Variants in CKMT2 observed in about 807,000 individuals in gnomAD.
CKMT2 encodes creatine kinase S-type, mitochondrial.
CKMT2 carries 43 observed loss-of-function variants against 48.9 expected under a neutral mutation model. That is an observed-to-expected ratio of 0.88 (90% CI 0.69 to 1.13). The LOEUF is 1.13. Among genes scored for constraint, CKMT2 ranks in the 50% most tolerant of loss-of-function variants. The pLI, the probability that CKMT2 is intolerant of heterozygous loss-of-function variation, is 0.00. For synonymous variants in CKMT2, 206 were observed against 213.0 expected (o/e 0.97, Z 0.29); for missense variants, 472 against 555.4 (o/e 0.85, Z 1.51).
chr5:81,249,908 C>A (rs545797270), intron 1 of CKMT2, among the ~76,000 whole-genome samples: 1 of 152,146 alleles, frequency 6.6e-6, no homozygotes, highest in Non-Finnish European at 1.5e-5. Flanking sequence ...CTGCTCTTCA[C>A]GTCTTTGTCA....
intron 1 of CKMT2, chr5:81,242,432 T>G (rs1580434799): frequency 1.9e-6 from 1 of 513,762 alleles, no homozygotes; most frequent in East Asian, 5.0e-5. Flanking sequence ...CTTTACAGGG[T>G]TTCCCCTCTC....
chr5:81,239,189 C>T (rs1003253374), intron 1 of CKMT2: 2 of 152,240 alleles, frequency 1.3e-5, no homozygotes, highest in Non-Finnish European at 2.9e-5. Context: ...CCGTGGGTTT[C>T]CTTGAGGCCC....
intron 8 of CKMT2, among the ~76,000 whole-genome samples, chr5:81,261,895 G>A (rs1489687284): frequency 6.6e-6 from 1 of 152,124 alleles, no homozygotes; most frequent in African/African-American, 2.4e-5. Flanking sequence ...TCAATCCTAA[G>A]CAAAAAGAAC....
chr5:81,264,362 A>T (rs1174003454), intron 9 of CKMT2, among the ~76,000 whole-genome samples: 1 of 152,238 alleles, frequency 6.6e-6, no homozygotes, highest in Non-Finnish European at 1.5e-5. Flanking sequence ...GCCTCTTCTC[A>T]TAACAAAACC....
At chr5:81,247,467 T>TGCTTATGTAACATTTGGG (rs1370848511) in intron 1 of CKMT2, among the ~76,000 whole-genome samples, 1 of 152,208 alleles carries the variant, frequency 6.6e-6, no homozygotes, top group East Asian at 1.9e-4. Context: ...CTGCAGAGAA[T>TGCTTATGTAACATTTGGG]GCTTATGTAA....
intron 9 of CKMT2, 87 bp downstream of exon 9, chr5:81,263,703 C>A: frequency 7.5e-7 from 1 of 1,330,380 alleles, no homozygotes; most frequent in Admixed American, 2.2e-5. Flanking sequence ...GCCGTTTTCA[C>A]AAAATTCGAG....
rs367764320 is a variant in CKMT2, at chr5:81,248,935, GT to G, written c.-20-2174del. On this transcript the variant is annotated intron_variant, in intron 1 of 9. Transcript: ENST00000254035. Reference sequence around the variant, plus strand: ...GTTTATTCTTCACTGGATGGCCCAGGTTTTCAGCTACAGCCTTACACATCAG... The same window carrying G: ...GTTTATTCTTCACTGGATGGCCCAGGTTTCAGCTACAGCCTTACACATCAG... Among the ~76,000 whole-genome samples, 29 of 152,250 alleles carry G rather than the reference GT, an allele frequency of 1.9e-4. No individual in the cohort carries two copies. In the East Asian group the frequency reaches 5.4e-3, roughly 28 times the overall value.
chr5:81,259,858 G>A (rs1757150552), intron 8 of CKMT2, among the ~76,000 whole-genome samples: 1 of 152,132 alleles, frequency 6.6e-6, no homozygotes, highest in Non-Finnish European at 1.5e-5. Flanking sequence ...ACTCGGCTCT[G>A]GACCAAGTGG....
intron 1 of CKMT2, among the ~76,000 whole-genome samples, chr5:81,250,498 G>T (rs1298710505): frequency 6.6e-6 from 1 of 152,038 alleles, no homozygotes; most frequent in Non-Finnish European, 1.5e-5. Context: ...GGAATCCAGG[G>T]CCTAAACTGA....
intron 1 of CKMT2, chr5:81,244,847 A>ATT (rs71000809): frequency 0.021 from 2,413 of 113,524 alleles, 109 homozygotes; most frequent in East Asian, 0.18. Context: ...CCCCCTCACT[A>ATT]TTTTTTTTTT....
intron 1 of CKMT2, among the ~76,000 whole-genome samples, chr5:81,236,734 T>G (rs1756255158): frequency 6.6e-6 from 1 of 152,178 alleles, no homozygotes; most frequent in African/African-American, 2.4e-5. Context: ...GAAGAAGAAC[T>G]GGGGAGCCCA....
chr5:81,261,062 G>A (rs1046242981), intron 8 of CKMT2, among the ~76,000 whole-genome samples: 3 of 152,200 alleles, frequency 2.0e-5, no homozygotes, highest in African/African-American at 4.8e-5. Context: ...CTGGTTCAAC[G>A]TACACAAATC....
chr5:81,253,271 C>T (rs1049019975), intron 3 of CKMT2, among the ~76,000 whole-genome samples: 2 of 151,988 alleles, frequency 1.3e-5, no homozygotes, highest in South Asian at 2.1e-4. Context: ...GGGTGGGGGT[C>T]GGGAGGAGGG....
At chr5:81,265,456 C>A (rs556380841) in intron 9 of CKMT2, among the ~76,000 whole-genome samples, 1 of 152,222 alleles carries the variant, frequency 6.6e-6, no homozygotes, top group East Asian at 1.9e-4. Flanking sequence ...TAACTAATTT[C>A]TCTCTTAATT....
intron 1 of CKMT2, among the ~76,000 whole-genome samples, chr5:81,248,921 A>C (rs1326916465): frequency 1.3e-5 from 2 of 152,282 alleles, no homozygotes; most frequent in Non-Finnish European, 2.9e-5. Context: ...TTTATTCTTC[A>C]CTGGATGGCC....
At position 81,264,784 on chromosome 5, in the gene CKMT2, T is replaced by C. The variant is rs188387502; in HGVS notation, c.1140+1168T>C. On this transcript the variant is annotated intron_variant, in intron 9 of 9. Coordinates refer to ENST00000254035, the MANE Select transcript of CKMT2 (RefSeq NM_001099735.2). Reference sequence around the variant, plus strand: ...GCCAAAAAATAATTTAAAAACACCATTTATTTAACCCAACAACCCTGATAA... The same window carrying C: ...GCCAAAAAATAATTTAAAAACACCACTTATTTAACCCAACAACCCTGATAA... Among the ~76,000 whole-genome samples the C allele has an allele frequency of 2.8e-4, 43 of 152,280 alleles. No homozygotes were observed. In the East Asian group the frequency reaches 8.1e-3, roughly 29 times the overall value.
chr5:81,247,229 C>A (rs146750786), intron 1 of CKMT2, among the ~76,000 whole-genome samples: 100 of 152,290 alleles, frequency 6.6e-4, no homozygotes, highest in African/African-American at 2.4e-3. Context: ...GTTAAAAAAG[C>A]TTTGCAATGA....
intron 1 of CKMT2, among the ~76,000 whole-genome samples, chr5:81,245,728 G>A (rs1195660549): frequency 6.6e-6 from 1 of 152,148 alleles, no homozygotes; most frequent in Non-Finnish European, 1.5e-5. Flanking sequence ...AAGCTGAGAC[G>A]GGGCAGCAGG....
At position 81,255,668 on chromosome 5, in the gene CKMT2, AT is replaced by A. The variant is rs1756980224; in HGVS notation, c.669+457del. Among the ~76,000 whole-genome samples the A allele has an allele frequency of 5.3e-5, 8 of 152,276 alleles. No homozygotes were observed. In the South Asian group the frequency reaches 1.7e-3, roughly 32 times the overall value. On this transcript the variant is annotated intron_variant, in intron 5 of 9. Transcript: ENST00000254035. ...TGACTCTTGTGGAGCAAGCCTCTGC[AT>A]TTCCTGGTGGGGTTGATTCCTGCTG...
Sources: allele counts gnomAD v4.1 joint callset (sites outside exome capture counted in the v4.1 genomes callset), GRCh38; gene constraint gnomAD v4.1.1; transcripts MANE v1.5; gene names NCBI Gene and HGNC (gene_info 2026-07-23, HGNC 2026-07-21).